VAMP4: variants seen among roughly 807,000 people sequenced by gnomAD.
VAMP4 encodes vesicle-associated membrane protein 4.
In VAMP4, 19 loss-of-function variants were observed where a neutral mutation model predicts 23.5. The ratio of observed to expected loss-of-function variants is 0.81; its 90% CI spans 0.56 to 1.19. The LOEUF (loss-of-function observed/expected upper bound fraction) is 1.19, where lower values mean the gene tolerates loss of function less well. Ranked by LOEUF, VAMP4 falls within the 50% of genes most tolerant of loss-of-function variation. The pLI is 0.00. For synonymous variants in VAMP4, 31 were observed against 51.0 expected (o/e 0.61, Z 1.67); for missense variants, 145 against 168.6 (o/e 0.86, Z 0.78).
intron 4 of VAMP4, among the ~76,000 whole-genome samples, chr1:171,714,693 C>T (rs996537784): frequency 6.6e-6 from 1 of 152,154 alleles, no homozygotes; most frequent in South Asian, 2.1e-4. Flanking sequence ...GATCCTCCTC[C>T]GGGAGGTGGA....
rs1303462005 is a variant in VAMP4, at chr1:171,702,308, T to C, written c.*2198A>G. On this transcript the variant is annotated 3_prime_UTR_variant, in exon 8 of 8. Coordinates refer to ENST00000236192, the MANE Select transcript of VAMP4 (RefSeq NM_003762.5). ...AAACCAAGCCATCACTACTACAAAG[T>C]TCCATGAGTGATAATTCTGTTACCC... 6.6e-6 allele frequency: 1 copy of C among 152,000 alleles called. No homozygotes were observed. Among genetic ancestry groups the C allele is most frequent in the Admixed American group, 6.6e-5 (1 of 15,264 alleles). The allele number at this position is 152,000 out of a possible 1,614,324, so 9.4% of individuals were successfully genotyped here.
intron 2 of VAMP4, among the ~76,000 whole-genome samples, chr1:171,731,339 C>T (rs1182228779): frequency 6.6e-6 from 1 of 152,070 alleles, no homozygotes; most frequent in Non-Finnish European, 1.5e-5. Flanking sequence ...ATGGGTGCAG[C>T]ACACCAACAT....
intron 3 of VAMP4, among the ~76,000 whole-genome samples, chr1:171,726,075 G>A (rs773193692): frequency 2.0e-5 from 3 of 151,488 alleles, no homozygotes; most frequent in South Asian, 2.1e-4. Context: ...TGGGGGGGGC[G>A]AAGTATCACT....
At chr1:171,728,447 T>C (rs1038984198) in intron 3 of VAMP4, 77 bp downstream of exon 3, 7 of 1,217,662 alleles carry the variant, frequency 5.7e-6, no homozygotes, top group African/African-American at 1.5e-5. Flanking sequence ...TCTGTCAAAA[T>C]GTATACAGTA....
chr1:171,728,760 G>A (rs571416578), intron 2 of VAMP4, among the ~76,000 whole-genome samples, 190 bp from the exon 3 acceptor site: 1 of 152,312 alleles, frequency 6.6e-6, no homozygotes, highest in South Asian at 2.1e-4. Flanking sequence ...ACTTTGCAAA[G>A]AAAATGCTCA....
intron 6 of VAMP4, among the ~76,000 whole-genome samples, chr1:171,709,392 T>C (rs916928995): frequency 2.6e-5 from 4 of 152,188 alleles, no homozygotes; most frequent in Admixed American, 6.5e-5. Context: ...TTTAAGTTAA[T>C]AAGTTTAGAG....
chr1:171,717,755 CATT>C, intron 4 of VAMP4, among the ~76,000 whole-genome samples: 1 of 152,188 alleles, frequency 6.6e-6, no homozygotes, highest in East Asian at 1.9e-4. Flanking sequence ...CCAGCTGTAT[CATT>C]ATTTTTGGTG....
intron 3 of VAMP4, among the ~76,000 whole-genome samples, chr1:171,724,239 C>T (rs552668319): frequency 2.7e-5 from 4 of 148,302 alleles, no homozygotes; most frequent in East Asian, 4.1e-4. Context: ...AACCAAACAC[C>T]GCATGTTCTC....
intron 2 of VAMP4, among the ~76,000 whole-genome samples, chr1:171,731,292 G>C (rs528817166): frequency 2.2e-4 from 34 of 152,252 alleles, no homozygotes; most frequent in African/African-American, 6.7e-4. Context: ...GGGAGTGATA[G>C]CATTAGGAGA....
intron 2 of VAMP4, among the ~76,000 whole-genome samples, chr1:171,735,156 G>A (rs904329357): frequency 1.3e-5 from 2 of 152,316 alleles, no homozygotes; most frequent in South Asian, 2.1e-4. Context: ...TCAAGTGACT[G>A]TGTCCTTAAC....
At chr1:171,704,618 T>G in intron 7 of VAMP4, 84 bp from the exon 8 acceptor site, 1 of 1,066,864 alleles carries the variant, frequency 9.4e-7, no homozygotes, top group Non-Finnish European at 1.3e-6. Flanking sequence ...AATGTAGTTG[T>G]GTCTACTTTT....
chr1:171,710,835 A>T (rs921376745), intron 4 of VAMP4, 21 bp from the exon 5 acceptor site: 8 of 1,528,318 alleles, frequency 5.2e-6, no homozygotes, highest in Admixed American at 3.7e-5. Flanking sequence ...AAAGATACAC[A>T]ATTATTTATC....
Position 171,742,046 on chromosome 1 carries a change from C to CA in VAMP4, c.-187dup, listed in dbSNP as rs1237510836. On this transcript the variant is annotated 5_prime_UTR_variant, in exon 1 of 8. An upstream open reading frame in the 5' UTR loses its in-frame stop. Transcript: ENST00000236192. Reference sequence around the variant, plus strand: ...GGACCCGGCGTCGGCCGCAGCGCCGCAGCAGCGCCTCCGCTCATCGAGCCG... The same window carrying CA: ...GGACCCGGCGTCGGCCGCAGCGCCGCAAGCAGCGCCTCCGCTCATCGAGCCG... The CA allele has an allele frequency of 1.3e-5, 2 of 152,306 alleles. No individual in the cohort carries two copies. Among genetic ancestry groups the CA allele is most frequent in the Non-Finnish European group, 2.9e-5 (2 of 68,022 alleles). 9.4% of individuals were successfully genotyped at this position (152,306 alleles called of 1,614,324 possible).
In VAMP4 at chr1:171,710,743, TC is replaced by T. The variant is rs1572240389; in HGVS notation, c.235del (p.Glu79ArgfsTer3). The stretch of plus-strand genomic sequence containing the variant: ...TTTGTCCTGTAGTTCATCTAGTCTC[TC>T]CCCTCTCTCAATTACCTTTGTAATA... ...ENITKVIERG[E>X]RLDELQDKSE... is the part of the protein sequence containing the mutation. On this transcript the variant is annotated frameshift_variant, in exon 5 of 8. Coordinates refer to ENST00000236192, the MANE Select transcript of VAMP4 (RefSeq NM_003762.5). LOFTEE classifies it high-confidence loss of function. 1 of 1,609,496 alleles carries T rather than the reference TC, an allele frequency of 6.2e-7. No individual in the cohort carries two copies. The highest frequency in any genetic ancestry group is 8.5e-7 in the Non-Finnish European group (1 of 1,177,676).
At position 171,738,441 on chromosome 1, in the gene VAMP4, C is replaced by A. The variant is rs1655813882; in HGVS notation, c.-27G>T. 6.2e-7 allele frequency: 1 copy of A among 1,610,110 alleles called. No individual in the cohort carries two copies. On this transcript the variant is annotated 5_prime_UTR_variant, in exon 2 of 8. Coordinates refer to ENST00000236192, the MANE Select transcript of VAMP4 (RefSeq NM_003762.5). ...TTTTTTACTTGCAAAGTATCTTTTG[C>A]TTCTCAACAGGATAGTCACCACCTT...
intron 2 of VAMP4, among the ~76,000 whole-genome samples, chr1:171,737,051 A>C (rs1449440779): frequency 6.6e-6 from 1 of 152,202 alleles, no homozygotes; most frequent in Non-Finnish European, 1.5e-5. Context: ...AAGGGGAAGA[A>C]AATGTTTCCT....
intron 4 of VAMP4, among the ~76,000 whole-genome samples, chr1:171,712,135 T>C (rs974563138): frequency 6.6e-6 from 1 of 152,128 alleles, no homozygotes; most frequent in African/African-American, 2.4e-5. Context: ...AGCCTGTCAT[T>C]AAGGGTCCAT....
chr1:171,727,301 C>A (rs1572251128), intron 3 of VAMP4, among the ~76,000 whole-genome samples: 1 of 143,320 alleles, frequency 7.0e-6, no homozygotes, highest in African/African-American at 2.6e-5. Flanking sequence ...TTAAAATGGG[C>A]AAGATTTGAA....
intron 2 of VAMP4, among the ~76,000 whole-genome samples, chr1:171,737,984 A>G (rs976473925): frequency 6.6e-6 from 1 of 152,146 alleles, no homozygotes; most frequent in South Asian, 2.1e-4. Context: ...TTATTAGTTA[A>G]TTAATTTTTG....
Sources: gnomAD v4.1 joint callset for allele counts (sites outside exome capture counted in the v4.1 genomes callset) on GRCh38, gnomAD v4.1.1 for gene constraint, MANE v1.5 for transcripts, NCBI Gene and HGNC (gene_info 2026-07-23, HGNC 2026-07-21) for gene names.